Variants in XPO6 observed in about 807,000 individuals in gnomAD.
The protein encoded by XPO6 is exportin 6, also known as exportin-6.
A neutral mutation model predicts 130.0 loss-of-function variants in XPO6; 3 were observed. That is an observed-to-expected ratio of 0.02 (90% CI 0.01 to 0.06). The LOEUF (loss-of-function observed/expected upper bound fraction) is 0.06, where lower values mean the gene tolerates loss of function less well. Ranked by LOEUF, XPO6 falls within the 10% of genes least tolerant of loss-of-function variation. The probability of loss-of-function intolerance (pLI) is 1.00; values close to 1 mark genes in which losing one functional copy is unlikely to be tolerated. For missense variants in XPO6, 970 were observed against 1,393.0 expected (o/e 0.70, Z 4.83); for synonymous variants, 524 against 548.9 (o/e 0.95, Z 0.63).
At chr16:28,147,297 T>G (rs2043001517) in intron 8 of XPO6, among the ~76,000 whole-genome samples, 1 of 152,138 alleles carries the variant, frequency 6.6e-6, no homozygotes, top group Admixed American at 6.6e-5. Flanking sequence ...GCGTGGTGGC[T>G]CATGCCTGTA....
chr16:28,144,930 GC>G (rs1400995913), intron 9 of XPO6, among the ~76,000 whole-genome samples: 1 of 152,114 alleles, frequency 6.6e-6, no homozygotes, highest in Non-Finnish European at 1.5e-5. Flanking sequence ...CCCCGTCATG[GC>G]TTCCACTCGA....
chr16:28,211,231 A>G (rs1236677688), intron 1 of XPO6, 135 bp downstream of exon 1: 3 of 875,494 alleles, frequency 3.4e-6, no homozygotes, highest in Non-Finnish European at 4.6e-6. Flanking sequence ...CTCTGCACGC[A>G]TGTGTCACCG....
chr16:28,189,766 C>T (rs948949509), intron 1 of XPO6, among the ~76,000 whole-genome samples: 13 of 152,308 alleles, frequency 8.5e-5, no homozygotes, highest in African/African-American at 3.1e-4. Context: ...TAACTTTGCA[C>T]AATATCTTCA....
chr16:28,172,559 G>C (rs1029779587), intron 4 of XPO6, among the ~76,000 whole-genome samples: 2 of 152,124 alleles, frequency 1.3e-5, no homozygotes, highest in Non-Finnish European at 2.9e-5. Flanking sequence ...TATGCAGGCA[G>C]GTGGGAAGGA....
chr16:28,153,588 T>A (rs12919673), intron 7 of XPO6: 1 of 985,140 alleles, frequency 1.0e-6, no homozygotes, highest in African/African-American at 1.7e-5. Context: ...GGATAAGAGA[T>A]CTCTGTTATT....
Position 28,107,649 on chromosome 16 carries a change from G to A in XPO6, c.2370C>T (p.Ser790=), listed in dbSNP as rs199567855. ...TATTCTCCACAATATCTTCTAAGACGCTGAGTGTCTGGTGGATAATCAGTT... is the reference window on the plus strand; with the variant it reads ...TATTCTCCACAATATCTTCTAAGACACTGAGTGTCTGGTGGATAATCAGTT... The part of the protein sequence containing the change: ...DTKLIIHQTL[S]VLEDIVENIS... Residue 790 remains serine, a synonymous_variant, in exon 18 of 24, where the codon AGC becomes AGT. Coordinates refer to ENST00000304658, the MANE Select transcript of XPO6 (RefSeq NM_015171.4). 8.1e-4 allele frequency: 1,315 copies of A among 1,613,996 alleles called. 2 individuals carry two copies. The highest frequency in any genetic ancestry group is 9.9e-4 in the Non-Finnish European group (1,167 of 1,179,970).
At position 28,098,298 on chromosome 16, in the gene XPO6, C is replaced by T. The variant is rs552640230; in HGVS notation, c.*240G>A. ...TTCCTGGTGCCTCCTAGTACCTGGC[C>T]ACACACCCCTCCGCCTGCTCCAACG... On this transcript the variant is annotated 3_prime_UTR_variant, in exon 24 of 24. Coordinates refer to ENST00000304658, the MANE Select transcript of XPO6 (RefSeq NM_015171.4). The T allele has an allele frequency of 4.2e-4, 187 of 445,068 alleles. No homozygotes were observed. In the South Asian group the frequency reaches 6.5e-3, roughly 16 times the overall value. The allele number at this position is 445,068 out of a possible 1,614,324, so 27.6% of individuals were successfully genotyped here.
At chr16:28,198,106 C>T (rs1258976594) in intron 1 of XPO6, among the ~76,000 whole-genome samples, 2 of 150,996 alleles carry the variant, frequency 1.3e-5, no homozygotes, top group Non-Finnish European at 2.9e-5. Context: ...AAAAACAGAA[C>T]AATGAACTGC....
At chr16:28,203,828 T>C (rs911072307) in intron 1 of XPO6, among the ~76,000 whole-genome samples, 11 of 152,208 alleles carry the variant, frequency 7.2e-5, no homozygotes, top group African/African-American at 2.7e-4. Flanking sequence ...CCTTGTCACA[T>C]CCACACAGGC....
Position 28,135,304 on chromosome 16 carries a change from A to G in XPO6, c.1355T>C (p.Leu452Pro). 1 of 1,613,778 alleles carries G rather than the reference A, an allele frequency of 6.2e-7. No homozygotes were observed. Among genetic ancestry groups the G allele is most frequent in the South Asian group, 1.1e-5 (1 of 90,960 alleles). The part of the protein sequence containing the change: ...VLNRYEDALV[L>P]LLTEVLNRIQ... ...TCGATTCAACACCTCTGTGAGCAGG[A>G]GCACCAGGGCATCTTCGTACCTATG... is the stretch of plus-strand genomic sequence containing the variant. Residue 452 changes from leucine to proline, a missense_variant, in exon 10 of 24, where the codon CTC becomes CCC. By Grantham distance (98) the Leu-to-Pro change is moderately conservative. Around this residue, in one of 4 missense-constraint regions of XPO6, gnomAD observed 936 missense variants for 1,306.8 expected, o/e 0.72. Coordinates refer to ENST00000304658, the MANE Select transcript of XPO6 (RefSeq NM_015171.4).
chr16:28,110,079 G>A (rs2086881602), intron 17 of XPO6, among the ~76,000 whole-genome samples: 1 of 151,890 alleles, frequency 6.6e-6, no homozygotes, highest in African/African-American at 2.4e-5. Context: ...GTTGAGATAA[G>A]AAAAATGAAA....
At chr16:28,200,244 A>G (rs1190145780) in intron 1 of XPO6, among the ~76,000 whole-genome samples, 1 of 152,030 alleles carries the variant, frequency 6.6e-6, no homozygotes, top group Non-Finnish European at 1.5e-5. Context: ...TTCCAGCTCC[A>G]TTTGGCTTAT....
intron 6 of XPO6, among the ~76,000 whole-genome samples, chr16:28,163,470 T>C (rs2043308972): frequency 6.6e-6 from 1 of 152,268 alleles, no homozygotes; most frequent in African/African-American, 2.4e-5. Flanking sequence ...TCAGAATTGC[T>C]GTAGTCACAT....
chr16:28,138,621 A>T (rs1426085597), intron 9 of XPO6, among the ~76,000 whole-genome samples: 1 of 152,154 alleles, frequency 6.6e-6, no homozygotes, highest in African/African-American at 2.4e-5. Context: ...CTCCTTCCTC[A>T]GCAAGAGAGC....
Position 28,177,336 on chromosome 16 carries a change from G to A in XPO6, c.95-4C>T. 1 of 1,596,090 alleles carries A rather than the reference G, an allele frequency of 6.3e-7. No homozygotes were observed. The highest frequency in any genetic ancestry group is 1.1e-5 in the South Asian group (1 of 88,920). ...GCAAAGTTATTAAGAAGCTCCTCTGGAAAAGTTAAATGGCAACAAAAGAAA... is the reference window on the plus strand; with the variant it reads ...GCAAAGTTATTAAGAAGCTCCTCTGAAAAAGTTAAATGGCAACAAAAGAAA... On this transcript the variant is annotated splice_region_variant and splice_polypyrimidine_tract_variant and intron_variant, in intron 2 of 23. Coordinates refer to ENST00000304658, the MANE Select transcript of XPO6 (RefSeq NM_015171.4).
At chr16:28,195,026 C>A (rs915168381) in intron 1 of XPO6, among the ~76,000 whole-genome samples, 40 of 151,338 alleles carry the variant, frequency 2.6e-4, no homozygotes, top group African/African-American at 9.7e-4. Flanking sequence ...TAATGCAGTT[C>A]CCCCTTCCCC....
intron 9 of XPO6, among the ~76,000 whole-genome samples, chr16:28,137,367 T>TCTGAACCTATAGTGTTTC (rs1388319229): frequency 4.6e-5 from 7 of 152,260 alleles, no homozygotes; most frequent in Non-Finnish European, 1.0e-4. Flanking sequence ...CAGTGTTTCC[T>TCTGAACCTATAGTGTTTC]CTGAAACCTA....
At chr16:28,102,385 C>T (rs531276107) in intron 21 of XPO6, among the ~76,000 whole-genome samples, 28 of 152,302 alleles carry the variant, frequency 1.8e-4, no homozygotes, top group Middle Eastern at 3.4e-3. Context: ...GAGGTTAAGC[C>T]TCTGCCTGGG....
intron 1 of XPO6, among the ~76,000 whole-genome samples, chr16:28,207,943 G>A (rs556818473): frequency 2.5e-4 from 38 of 152,198 alleles, no homozygotes; most frequent in Admixed American, 2.0e-3. Flanking sequence ...TCAGGAGTTC[G>A]AGACCAGCCT....
Sources: gnomAD v4.1 joint callset for allele counts (sites outside exome capture counted in the v4.1 genomes callset) on GRCh38, gnomAD v4.1.1 for gene constraint, gnomAD v4.1.1 regional missense constraint, MANE v1.5 for transcripts, NCBI Gene and HGNC (gene_info 2026-07-23, HGNC 2026-07-21) for gene names.